ZSWIM5: variants seen among roughly 807,000 people sequenced by gnomAD.
ZSWIM5 encodes the protein zinc finger SWIM domain-containing protein 5.
A neutral mutation model predicts 119.6 loss-of-function variants in ZSWIM5; 55 were observed. That is an observed-to-expected ratio of 0.46 (90% CI 0.37 to 0.58). ZSWIM5 has a LOEUF of 0.58. Ranked by LOEUF, ZSWIM5 falls within the 20% of genes least tolerant of loss-of-function variation. ZSWIM5 has a pLI of 0.00. For missense variants in ZSWIM5, 1,193 were observed against 1,512.8 expected, an observed-to-expected ratio of 0.79 and a Z score of 3.51; for synonymous variants, 537 against 606.9, an observed-to-expected ratio of 0.88 and a Z score of 1.69.
At chr1:45,156,355 T>C (rs1170685094) in intron 1 of ZSWIM5, among the ~76,000 whole-genome samples, 10 of 151,822 alleles carry the variant, frequency 6.6e-5, no homozygotes, top group Non-Finnish European at 1.3e-4. Context: ...ACTATATGGG[T>C]GACAGGATCA....
intron 1 of ZSWIM5, among the ~76,000 whole-genome samples, chr1:45,156,114 T>A (rs1209765575): frequency 6.6e-6 from 1 of 151,918 alleles, no homozygotes; most frequent in African/African-American, 2.4e-5. Flanking sequence ...CATGGAATAC[T>A]ACACAGCCAT....
At chr1:45,142,476 C>G (rs1645733086) in intron 1 of ZSWIM5, among the ~76,000 whole-genome samples, 1 of 152,104 alleles carries the variant, frequency 6.6e-6, no homozygotes, top group Admixed American at 6.5e-5. Flanking sequence ...CTTGGTCTCC[C>G]TAGTAGCTTG....
At chr1:45,044,539 TG>T (rs1359207842) in intron 5 of ZSWIM5, among the ~76,000 whole-genome samples, 1 of 148,040 alleles carries the variant, frequency 6.8e-6, no homozygotes, top group Non-Finnish European at 1.5e-5. Context: ...CTGACCAACA[TG>T]GTGAAACTCC....
At chr1:45,114,000 C>A (rs79374481) in intron 1 of ZSWIM5, among the ~76,000 whole-genome samples, 1 of 152,202 alleles carries the variant, frequency 6.6e-6, no homozygotes, top group South Asian at 2.1e-4. Context: ...TAGAAACTAT[C>A]TGTTCATTCA....
At chr1:45,120,153 G>C (rs973071217) in intron 1 of ZSWIM5, among the ~76,000 whole-genome samples, 2 of 152,164 alleles carry the variant, frequency 1.3e-5, no homozygotes, top group African/African-American at 4.8e-5. Flanking sequence ...AGACTAGCCT[G>C]GCCAACATGG....
At chr1:45,025,179 C>T (rs1219397098) in intron 11 of ZSWIM5, among the ~76,000 whole-genome samples, 1 of 152,100 alleles carries the variant, frequency 6.6e-6, no homozygotes, top group East Asian at 1.9e-4. Context: ...AATTTTGTTC[C>T]ATTGATCTGT....
At chr1:45,140,096 A>T (rs1202365916) in intron 1 of ZSWIM5, among the ~76,000 whole-genome samples, 2 of 152,192 alleles carry the variant, frequency 1.3e-5, no homozygotes, top group African/African-American at 2.4e-5. Flanking sequence ...AGGAGAATGG[A>T]AGTGTGCTGT....
At chr1:45,032,930 A>C (rs1644961749) in intron 11 of ZSWIM5, among the ~76,000 whole-genome samples, 1 of 151,436 alleles carries the variant, frequency 6.6e-6, no homozygotes, top group African/African-American at 2.4e-5. Flanking sequence ...ATTGCTTTTA[A>C]GTAGATTTTC....
chr1:45,067,471 G>C (rs538697057), intron 2 of ZSWIM5, among the ~76,000 whole-genome samples: 2 of 150,862 alleles, frequency 1.3e-5, no homozygotes, highest in East Asian at 3.9e-4. Context: ...AAGAAAGAAA[G>C]AAATACATTT....
At chr1:45,150,032 T>C (rs1279933618) in intron 1 of ZSWIM5, among the ~76,000 whole-genome samples, 3 of 151,854 alleles carry the variant, frequency 2.0e-5, no homozygotes, top group Non-Finnish European at 4.4e-5. Flanking sequence ...TAGCAGGGCA[T>C]GGTGGTGTAC....
In ZSWIM5 at chr1:45,088,525, G is replaced by T. The variant is rs897960994; in HGVS notation, c.596-288C>A. ...ATACATTTTTCTGGGGGTGGGGATA[G>T]TTCATAGCTATCATCATAGTCTCAG... On this transcript the variant is annotated intron_variant, in intron 1 of 13. Transcript: ENST00000359600. The surrounding 1 kb of genome is among the most constrained non-coding windows in gnomAD (Gnocchi z 4.2). Among the ~76,000 whole-genome samples, 4 of 152,132 alleles carry T rather than the reference G, an allele frequency of 2.6e-5. No individual in the cohort carries two copies. Among genetic ancestry groups the T allele is most frequent in the Non-Finnish European group, 4.4e-5 (3 of 68,026 alleles).
intron 2 of ZSWIM5, among the ~76,000 whole-genome samples, chr1:45,073,096 T>C (rs1305191746): frequency 6.6e-6 from 1 of 151,788 alleles, no homozygotes; most frequent in Non-Finnish European, 1.5e-5. Flanking sequence ...TTCAATTTCT[T>C]TCATCAGTGT....
chr1:45,146,265 A>T (rs1293867178), intron 1 of ZSWIM5, among the ~76,000 whole-genome samples: 1 of 152,048 alleles, frequency 6.6e-6, no homozygotes, highest in East Asian at 1.9e-4. Flanking sequence ...GAGAATAAAA[A>T]GCTGATGATG....
intron 1 of ZSWIM5, among the ~76,000 whole-genome samples, chr1:45,160,908 G>A (rs1408056521): frequency 6.8e-6 from 1 of 147,140 alleles, no homozygotes; most frequent in Non-Finnish European, 1.5e-5. Flanking sequence ...TGCAAGCTCC[G>A]CCTCCCGGGT....
At chr1:45,182,411 C>A (rs9793768) in intron 1 of ZSWIM5, among the ~76,000 whole-genome samples, 4,851 of 79,804 alleles carry the variant, frequency 0.061, 524 homozygotes, top group African/African-American at 0.21. Context: ...CTCAAAAAAA[C>A]AAACAAACAA....
At position 45,049,280 on chromosome 1, in the gene ZSWIM5, T is replaced by C. The variant is rs144596978; in HGVS notation, c.1432+1794A>G. Among the ~76,000 whole-genome samples the C allele has an allele frequency of 1.9e-3, 285 of 152,204 alleles. 2 individuals carry two copies. Among genetic ancestry groups the C allele is most frequent in the African/African-American group, 6.6e-3 (272 of 41,516 alleles). ...CCAGGATGGTGGCAGACAGTATAGT[T>C]TGATGGCAGAAACTTAAACCTGGGG... On this transcript the variant is annotated intron_variant, in intron 5 of 13. Coordinates refer to ENST00000359600, the MANE Select transcript of ZSWIM5 (RefSeq NM_020883.2).
intron 1 of ZSWIM5, among the ~76,000 whole-genome samples, chr1:45,094,540 C>G (rs1645387744): frequency 6.6e-6 from 1 of 151,958 alleles, no homozygotes; most frequent in Non-Finnish European, 1.5e-5. Context: ...CCCAGGAGTT[C>G]AAGGCCAGCC....
chr1:45,160,376 T>C (rs1352764342), intron 1 of ZSWIM5, among the ~76,000 whole-genome samples: 2 of 152,210 alleles, frequency 1.3e-5, no homozygotes, highest in East Asian at 3.8e-4. Context: ...CCCACTCTGC[T>C]ATGGAATATT....
intron 1 of ZSWIM5, among the ~76,000 whole-genome samples, chr1:45,121,658 G>C (rs1178465082): frequency 6.9e-6 from 1 of 145,226 alleles, no homozygotes; most frequent in East Asian, 2.0e-4. Context: ...GGAGTGCAGT[G>C]GCACAATCAT....
Sources: allele counts gnomAD v4.1 joint callset (sites outside exome capture counted in the v4.1 genomes callset), GRCh38; gene constraint gnomAD v4.1.1; non-coding constraint Gnocchi (gnomAD v3.1); transcripts MANE v1.5; gene names NCBI Gene and HGNC (gene_info 2026-07-23, HGNC 2026-07-21).